Variants in FAM120A observed in about 807,000 individuals in gnomAD.
FAM120A encodes the protein constitutive coactivator of PPAR-gamma-like protein 1.
In FAM120A, 15 loss-of-function variants were observed where a neutral mutation model predicts 109.7. The ratio of observed to expected loss-of-function variants is 0.14; its 90% CI spans 0.09 to 0.21. FAM120A has a LOEUF of 0.21. FAM120A is among the 10% of genes least tolerant of loss of function. FAM120A has a pLI of 1.00. For missense variants in FAM120A, 899 were observed against 1,439.3 expected (o/e 0.62, Z 6.07); for synonymous variants, 493 against 572.8 (o/e 0.86, Z 1.99).
At position 93,456,804 on chromosome 9, in the gene FAM120A, G is replaced by A. The variant is rs116655467; in HGVS notation, c.474+4415G>A. ...TCAATTACGATAGCTAACTGCTTCAGCTATGTTTTCTAGTTAGGATAGGAA... is the reference window on the plus strand; with the variant it reads ...TCAATTACGATAGCTAACTGCTTCAACTATGTTTTCTAGTTAGGATAGGAA... On this transcript the variant is annotated intron_variant, in intron 1 of 17. Coordinates refer to ENST00000277165, the MANE Select transcript of FAM120A (RefSeq NM_014612.5). Among the ~76,000 whole-genome samples, 1,262 of 152,264 alleles carry A rather than the reference G, an allele frequency of 8.3e-3. 16 individuals are homozygous for A. Among genetic ancestry groups the A allele is most frequent in the African/African-American group, 0.029 (1,214 of 41,536 alleles).
intron 15 of FAM120A, 91 bp downstream of exon 15, chr9:93,558,809 G>A: frequency 6.9e-7 from 1 of 1,442,634 alleles, no homozygotes; most frequent in South Asian, 1.3e-5. Context: ...CTGTCCTCAT[G>A]AGCCCCTCCT....
chr9:93,453,732 A>C, intron 1 of FAM120A: 2 of 696,928 alleles, frequency 2.9e-6, no homozygotes, highest in Non-Finnish European at 3.5e-6. Flanking sequence ...GGGTGAGAGG[A>C]AGTGCCTGCC....
chr9:93,554,415 A>G (rs1465401497), intron 12 of FAM120A, among the ~76,000 whole-genome samples: 2 of 152,176 alleles, frequency 1.3e-5, no homozygotes, highest in Non-Finnish European at 2.9e-5. Flanking sequence ...CATGCCTGTA[A>G]TCGCAGCACT....
chr9:93,474,758 T>C (rs1010814352), intron 2 of FAM120A, among the ~76,000 whole-genome samples: 1 of 152,142 alleles, frequency 6.6e-6, no homozygotes, highest in Non-Finnish European at 1.5e-5. Flanking sequence ...CACTCCCTGC[T>C]AATTTTTTGT....
intron 15 of FAM120A, among the ~76,000 whole-genome samples, chr9:93,560,873 C>G (rs1332791255): frequency 2.0e-5 from 3 of 152,196 alleles, no homozygotes; most frequent in South Asian, 2.1e-4. Flanking sequence ...ATCTAAAAAG[C>G]CTTGCACATT....
At chr9:93,560,544 G>T (rs1323522879) in intron 15 of FAM120A, among the ~76,000 whole-genome samples, 1 of 152,126 alleles carries the variant, frequency 6.6e-6, no homozygotes, top group Non-Finnish European at 1.5e-5. Flanking sequence ...GGTTTTGTTT[G>T]CTTATTTTTT....
intron 9 of FAM120A, chr9:93,529,874 TTTTAC>T (rs1861261024): frequency 1.8e-6 from 1 of 550,352 alleles, no homozygotes; most frequent in Non-Finnish European, 3.2e-6. Flanking sequence ...ATTTTATTCT[TTTTAC>T]TTCAATTTCA....
chr9:93,564,439 A>G lies in FAM120A; in HGVS notation c.3256A>G (p.Lys1086Glu), dbSNP rs1046443847. ...TGAAAGTGCCTTGAATAATGACTCT[A>G]AAACGTGCAATACAAATCCTCATTT... Reference protein sequence around the residue: ...HSESALNNDSKTCNTNPHLNA... With the variant: ...HSESALNNDSETCNTNPHLNA... The change falls in exon 18 of 18, where the codon AAA becomes GAA. Residue 1086 changes from lysine (K) to glutamate (E), a missense_variant. By Grantham distance (56) the Lys-to-Glu change is moderately conservative. This residue lies in a region of FAM120A where 170 missense variants were observed against 205.0 expected (regional missense o/e 0.83). Coordinates refer to ENST00000277165, the MANE Select transcript of FAM120A (RefSeq NM_014612.5). 3.7e-6 allele frequency: 6 copies of G among 1,614,140 alleles called. No homozygotes were observed. Among genetic ancestry groups the G allele is most frequent in the Admixed American group, 3.3e-5 (2 of 60,016 alleles).
rs542410450 is a variant in FAM120A, at chr9:93,491,805, T to G, written c.805-5666T>G. 4.6e-5 allele frequency among the ~76,000 whole-genome samples: 6 copies of G among 129,580 alleles called. No homozygotes were observed. In the East Asian group the frequency reaches 1.7e-3, roughly 36 times the overall value. 85.0% of individuals were successfully genotyped at this position (129,580 alleles called of 152,430 possible). ...CTAGCTCTAGATATGTCGCAATTTA[T>G]TTGACTTTTTTTTTTTAAATGTTAA... On this transcript the variant is annotated intron_variant, in intron 3 of 17. Coordinates refer to ENST00000277165, the MANE Select transcript of FAM120A (RefSeq NM_014612.5).
rs775364206 is a variant in FAM120A, at chr9:93,471,302, C to T, written c.636C>T (p.Leu212=). 6.2e-7 allele frequency: 1 copy of T among 1,614,080 alleles called. No individual in the cohort carries two copies. The highest frequency in any genetic ancestry group is 1.3e-5 in the African/African-American group (1 of 74,926). Residue 212 remains leucine, a synonymous_variant, in exon 2 of 18, where the codon CTC becomes CTT. Transcript: ENST00000277165. ...AACTGAGCCGGAACGGGAAAAGTCT[C>T]ACCACAAGCCAATATCTGATGCATG... ...ALKLSRNGKS[L]TTSQYLMHEV... is the part of the protein sequence containing the mutation.
intron 1 of FAM120A, among the ~76,000 whole-genome samples, chr9:93,464,459 G>T (rs1413723950): frequency 6.6e-6 from 1 of 152,138 alleles, no homozygotes; most frequent in Admixed American, 6.5e-5. Flanking sequence ...TATTTCTTGG[G>T]GAGGGGGTAG....
rs753385859 is a variant in FAM120A at position 93,495,411 on chromosome 9, G to C, written c.805-2060G>C. 3.5e-4 allele frequency among the ~76,000 whole-genome samples: 53 copies of C among 152,340 alleles called. No homozygotes were observed. The Middle Eastern group carries it at 0.024, about 68-fold the overall frequency. On this transcript the variant is annotated intron_variant, in intron 3 of 17. Coordinates refer to ENST00000277165, the MANE Select transcript of FAM120A (RefSeq NM_014612.5). ...CTGTTTTGTGCATTCCTCATGCACAGACTTGGAAAGGCAGAGGCACTTACC... is the reference window on the plus strand; with the variant it reads ...CTGTTTTGTGCATTCCTCATGCACACACTTGGAAAGGCAGAGGCACTTACC...
At chr9:93,507,998 C>T (rs1860141420) in intron 5 of FAM120A, among the ~76,000 whole-genome samples, 1 of 152,046 alleles carries the variant, frequency 6.6e-6, no homozygotes, top group African/African-American at 2.4e-5. Context: ...ATGATGACTA[C>T]TGAGAGAGAG....
chr9:93,471,368 T>C lies in FAM120A; in HGVS notation c.702T>C (p.Pro234=), dbSNP rs1356379419. ...KQLDLNPNRF[P]IFAALLGNHI... is the part of the protein sequence containing the mutation. ...TGGACCTGAATCCAAATCGTTTTCC[T>C]ATTTTTGCTGCTCTCTTAGGTAGGT... Residue 234 remains proline, a synonymous_variant, in exon 2 of 18, where the codon CCT becomes CCC. Coordinates refer to ENST00000277165, the MANE Select transcript of FAM120A (RefSeq NM_014612.5). 6.2e-7 allele frequency: 1 copy of C among 1,614,240 alleles called. No homozygotes were observed. Among genetic ancestry groups the C allele is most frequent in the Admixed American group, 1.7e-5 (1 of 60,028 alleles).
chr9:93,489,472 C>G (rs1158971747), intron 3 of FAM120A, among the ~76,000 whole-genome samples: 1 of 152,178 alleles, frequency 6.6e-6, no homozygotes, highest in East Asian at 1.9e-4. Flanking sequence ...CACGATGGAG[C>G]CCAGGTTCCA....
At chr9:93,455,668 C>CTT (rs947667637) in intron 1 of FAM120A, among the ~76,000 whole-genome samples, 1 of 145,334 alleles carries the variant, frequency 6.9e-6, no homozygotes, top group Non-Finnish European at 1.5e-5. Context: ...TTAGAGAAAT[C>CTT]TTTTTTTTTT....
intron 4 of FAM120A, 92 bp downstream of exon 4, chr9:93,497,691 G>A: frequency 1.3e-5 from 18 of 1,436,582 alleles, no homozygotes; most frequent in Non-Finnish European, 1.5e-5. Flanking sequence ...GGGGACTTGA[G>A]GGTGCAAGCT....
rs1387929797 is a variant in FAM120A at position 93,452,034 on chromosome 9, C to A, written c.119C>A (p.Pro40Gln). 1 of 1,567,468 alleles carries A rather than the reference C, an allele frequency of 6.4e-7. No homozygotes were observed. Among genetic ancestry groups the A allele is most frequent in the Non-Finnish European group, 8.6e-7 (1 of 1,157,002 alleles). ...GTGGGCGGCGGGCGGCAGCGGCCCCCGCAGACCCCGCTGCGCCTGCTGGTG... is the reference window on the plus strand; with the variant it reads ...GTGGGCGGCGGGCGGCAGCGGCCCCAGCAGACCCCGCTGCGCCTGCTGGTG... Reference protein sequence around the residue: ...SLVGGGRQRPPQTPLRLLVDA... With the variant: ...SLVGGGRQRPQQTPLRLLVDA... The change falls in exon 1 of 18, where the codon CCG (proline) becomes CAG (glutamine). Residue 40 changes from proline to glutamine, a missense_variant. Pro to Gln is a moderately conservative substitution (Grantham distance 76, BLOSUM62 -1). Transcript: ENST00000277165. This position sits in a 1 kb window ranked among gnomAD's most constrained non-coding sequence, Gnocchi z 7.0.
chr9:93,505,851 A>T (rs1202958749), intron 5 of FAM120A, among the ~76,000 whole-genome samples: 1 of 152,110 alleles, frequency 6.6e-6, no homozygotes, highest in Non-Finnish European at 1.5e-5. Context: ...AGTTTTATTT[A>T]TGATTTTGCC....
Sources: allele counts gnomAD v4.1 joint callset (sites outside exome capture counted in the v4.1 genomes callset), GRCh38; gene constraint gnomAD v4.1.1; regional missense constraint gnomAD v4.1.1; non-coding constraint Gnocchi (gnomAD v3.1); transcripts MANE v1.5; gene names NCBI Gene and HGNC (gene_info 2026-07-23, HGNC 2026-07-21).